Variants in UGT1A5 observed in about 807,000 individuals in gnomAD.
UGT1A5 encodes UDP-glucuronosyltransferase 1A5.
A neutral mutation model predicts 40.3 loss-of-function variants in UGT1A5; 29 were observed. The observed-to-expected ratio is 0.72, with a 90% CI of 0.54 to 0.98. The LOEUF is 0.98. Ranked by LOEUF, UGT1A5 falls within the 50% of genes least tolerant of loss-of-function variation. UGT1A5 has a pLI of 0.00. For missense variants in UGT1A5, 678 were observed against 677.9 expected (o/e 1.00, Z 0.00); for synonymous variants, 257 against 262.5 (o/e 0.98, Z 0.20).
intron 1 of UGT1A5, among the ~76,000 whole-genome samples, chr2:233,715,509 C>T (rs991063274): frequency 6.6e-6 from 1 of 152,138 alleles, no homozygotes; most frequent in Non-Finnish European, 1.5e-5. Flanking sequence ...GGGTAGCTCA[C>T]ACCTGTAATT....
Position 233,743,742 on chromosome 2 carries a change from C to A in UGT1A5, c.868-23292C>A, listed in dbSNP as rs377755645. 6 of 1,367,276 alleles carry A rather than the reference C, an allele frequency of 4.4e-6. No individual in the cohort carries two copies. The Admixed American group carries it at 1.1e-4, about 26-fold the overall frequency. The allele number at this position is 1,367,276 out of a possible 1,614,324, so 84.7% of individuals were successfully genotyped here. ...CGGTCATAGATATCGCGTTTCTTGG[C>A]GTCCGACAACACCTCGTAGGCCTCG... On this transcript the variant is annotated intron_variant, in intron 1 of 4. Coordinates refer to ENST00000373414, the MANE Select transcript of UGT1A5 (RefSeq NM_019078.2).
intron 1 of UGT1A5, chr2:233,719,283 A>G: frequency 1.2e-6 from 2 of 1,614,074 alleles, no homozygotes; most frequent in Non-Finnish European, 1.7e-6. Flanking sequence ...AGACCCCGTT[A>G]ACCTCTGTGG....
chr2:233,760,321 G>A, intron 1 of UGT1A5: 1 of 1,614,014 alleles, frequency 6.2e-7, no homozygotes, highest in Non-Finnish European at 8.5e-7. Context: ...ACGCCCACTT[G>A]TCCTGGGCCT....
At chr2:233,754,255 AG>A in intron 1 of UGT1A5, 1 of 170,204 alleles carries the variant, frequency 5.9e-6, no homozygotes, top group Admixed American at 5.6e-5. Context: ...CAACGGAAAA[AG>A]GTAAGGCTCA....
chr2:233,750,643 A>G (rs1694525645), intron 1 of UGT1A5: 1 of 149,168 alleles, frequency 6.7e-6, no homozygotes. Flanking sequence ...TGCTGTGTGC[A>G]GCCTCAGGAC....
At chr2:233,758,159 G>T (rs1281366344) in intron 1 of UGT1A5, among the ~76,000 whole-genome samples, 1 of 152,206 alleles carries the variant, frequency 6.6e-6, no homozygotes, top group African/African-American at 2.4e-5. Context: ...AATGGGTTCT[G>T]CTTTGGTTTC....
chr2:233,740,156 C>T (rs578012287), intron 1 of UGT1A5, among the ~76,000 whole-genome samples: 1 of 151,870 alleles, frequency 6.6e-6, no homozygotes, highest in Non-Finnish European at 1.5e-5. Context: ...GAGGCCTCCC[C>T]AGTCATGTGG....
intron 1 of UGT1A5, among the ~76,000 whole-genome samples, chr2:233,720,140 G>T (rs527690030): frequency 5.9e-5 from 9 of 152,254 alleles, no homozygotes; most frequent in African/African-American, 2.2e-4. Context: ...GGAGACCTAG[G>T]CACTCACAGG....
chr2:233,713,817 A>C lies in UGT1A5; in HGVS notation c.826A>C (p.Ile276Leu). 2 of 1,614,092 alleles carry C rather than the reference A, an allele frequency of 1.2e-6. No homozygotes were observed. The highest frequency in any genetic ancestry group is 2.2e-5 in the East Asian group (1 of 44,878). Residue 276 changes from isoleucine to leucine, a missense_variant, in exon 1 of 5, where the codon ATT becomes CTT. Transcript: ENST00000373414. ...GCCGATCATGCCCAACATGGTCTTCATTGGGGGCATCAACTGTGCCAACGG... is the reference window on the plus strand; with the variant it reads ...GCCGATCATGCCCAACATGGTCTTCCTTGGGGGCATCAACTGTGCCAACGG... Reference protein sequence around the residue: ...PRPIMPNMVFIGGINCANGKP... With the variant: ...PRPIMPNMVFLGGINCANGKP...
At chr2:233,728,351 G>A (rs1396406554) in intron 1 of UGT1A5, among the ~76,000 whole-genome samples, 1 of 152,180 alleles carries the variant, frequency 6.6e-6, no homozygotes, top group East Asian at 1.9e-4. Context: ...TGGTGAGCAG[G>A]AGCTCCCTGA....
chr2:233,734,953 A>G (rs2078590545), intron 1 of UGT1A5, among the ~76,000 whole-genome samples: 1 of 152,320 alleles, frequency 6.6e-6, no homozygotes, highest in African/African-American at 2.4e-5. Context: ...CAGTTTTAGA[A>G]TAAGTGTGAT....
chr2:233,742,128 C>T (rs1691880797), intron 1 of UGT1A5, among the ~76,000 whole-genome samples: 1 of 151,756 alleles, frequency 6.6e-6, no homozygotes, highest in Admixed American at 6.5e-5. Flanking sequence ...TCGTGGAGAC[C>T]CTAACCCAGC....
chr2:233,718,143 A>G (rs1479667470), intron 1 of UGT1A5: 3 of 227,078 alleles, frequency 1.3e-5, no homozygotes, highest in Non-Finnish European at 2.8e-5. Flanking sequence ...AGAATCCTCA[A>G]TAAAGCCTTC....
chr2:233,747,176 G>A lies in UGT1A5; in HGVS notation c.868-19858G>A, dbSNP rs762899554. 48 of 1,600,122 alleles carry A rather than the reference G, an allele frequency of 3.0e-5. 1 individual carries two copies. The highest frequency in any genetic ancestry group is 8.1e-5 in the African/African-American group (6 of 74,200). On this transcript the variant is annotated intron_variant, in intron 1 of 4. Coordinates refer to ENST00000373414, the MANE Select transcript of UGT1A5 (RefSeq NM_019078.2). ...AGAAAACAAATGTAGGAGGCACAGCGTGGGGTGGACAGTCAGCTGTCCGTG... is the reference window on the plus strand; with the variant it reads ...AGAAAACAAATGTAGGAGGCACAGCATGGGGTGGACAGTCAGCTGTCCGTG...
rs767667233 is a variant in UGT1A5, at chr2:233,769,803, C to T, written c.1307+1364C>T. ...CCAGAAGTTGGAGGCTGCTATGAGC[C>T]GTGATCATGCCACTGCACTCCAGCA... On this transcript the variant is annotated intron_variant, in intron 4 of 4. Coordinates refer to ENST00000373414, the MANE Select transcript of UGT1A5 (RefSeq NM_019078.2). This position sits in a 1 kb window ranked among gnomAD's most constrained non-coding sequence, Gnocchi z 4.4. 8.1e-6 allele frequency: 9 copies of T among 1,113,138 alleles called. No homozygotes were observed. Among genetic ancestry groups the T allele is most frequent in the Admixed American group, 3.0e-5 (1 of 33,080 alleles). 69.0% of individuals were successfully genotyped at this position (1,113,138 alleles called of 1,614,324 possible).
intron 1 of UGT1A5, among the ~76,000 whole-genome samples, chr2:233,742,305 A>G (rs1353036304): frequency 6.6e-6 from 1 of 152,010 alleles, no homozygotes; most frequent in African/African-American, 2.4e-5. Context: ...AGATTAACTA[A>G]AAGTATTCCT....
chr2:233,751,062 CA>C (rs1460604687), intron 1 of UGT1A5, among the ~76,000 whole-genome samples: 3 of 151,906 alleles, frequency 2.0e-5, no homozygotes, highest in Non-Finnish European at 4.4e-5. Context: ...CACAGACACT[CA>C]ATGCCAGCCT....
intron 1 of UGT1A5, chr2:233,719,360 A>T: frequency 6.2e-7 from 1 of 1,613,910 alleles, no homozygotes; most frequent in Non-Finnish European, 8.5e-7. Context: ...CATGTGACTT[A>T]GACTTTAAGG....
At position 233,713,205 on chromosome 2, in the gene UGT1A5, G is replaced by C; in HGVS notation, c.214G>C (p.Glu72Gln). 6.2e-7 allele frequency: 1 copy of C among 1,614,240 alleles called. No individual in the cohort carries two copies. The highest frequency in any genetic ancestry group is 8.5e-7 in the Non-Finnish European group (1 of 1,180,040). Residue 72 changes from glutamate to glutamine, a missense_variant, in exon 1 of 5, where the codon GAG (glutamate) becomes CAG (glutamine). Glu to Gln is a conservative substitution (Grantham distance 29). Transcript: ENST00000373414. ...GGAGGTGAATATGTACATCAAAGAAGAGAACTTTTTCACCCTGACAACGTA... is the reference window on the plus strand; with the variant it reads ...GGAGGTGAATATGTACATCAAAGAACAGAACTTTTTCACCCTGACAACGTA... ...TLEVNMYIKE[E>Q]NFFTLTTYAI...
Sources: gnomAD v4.1 joint callset for allele counts (sites outside exome capture counted in the v4.1 genomes callset) on GRCh38, gnomAD v4.1.1 for gene constraint, Gnocchi (gnomAD v3.1) non-coding constraint, MANE v1.5 for transcripts, NCBI Gene and HGNC (gene_info 2026-07-23, HGNC 2026-07-21) for gene names.